AFG2A: variants seen among roughly 807,000 people sequenced by gnomAD.
AFG2A encodes ATPase family gene 2 protein homolog A.
the AFG2A span, among the ~76,000 whole-genome samples, chr4:123,003,319 T>C: frequency 2.0e-5 from 3 of 152,254 alleles, no homozygotes; most frequent in Non-Finnish European, 2.9e-5. Context: ...AAAGTCATTC[T>C]CCGTCCAGCT....
chr4:123,228,483 G>A, the AFG2A span, among the ~76,000 whole-genome samples: 20,675 of 151,794 alleles, frequency 0.14, 4,187 homozygotes, highest in African/African-American at 0.44. Context: ...CCCTATAGAA[G>A]CCATGCAAAG....
chr4:123,033,615 T>G, the AFG2A span, among the ~76,000 whole-genome samples: 236 of 152,288 alleles, frequency 1.5e-3, 2 homozygotes, highest in African/African-American at 5.5e-3. Context: ...TAGAAGTGCC[T>G]GGAAAAAGAC....
the AFG2A span, chr4:122,938,224 T>C: frequency 2.6e-5 from 42 of 1,605,710 alleles, no homozygotes; most frequent in Non-Finnish European, 3.5e-5. Context: ...GCTTCACTCT[T>C]AACACTGATG....
the AFG2A span, among the ~76,000 whole-genome samples, chr4:123,003,980 T>A: frequency 6.6e-6 from 1 of 152,236 alleles, no homozygotes; most frequent in Admixed American, 6.5e-5. Context: ...GCTTCTTGGC[T>A]GTTTTGTTTA....
At chr4:123,165,506 T>C in the AFG2A span, among the ~76,000 whole-genome samples, 24 of 152,254 alleles carry the variant, frequency 1.6e-4, no homozygotes, top group African/African-American at 5.3e-4. Context: ...TTGAAATTAT[T>C]TCATTAGAAA....
At chr4:123,065,923 G>A in the AFG2A span, among the ~76,000 whole-genome samples, 1 of 152,084 alleles carries the variant, frequency 6.6e-6, no homozygotes, top group Non-Finnish European at 1.5e-5. Context: ...TTGGGGTATT[G>A]TTTTATGACT....
At chr4:122,969,618 C>A in the AFG2A span, among the ~76,000 whole-genome samples, 123,279 of 152,072 alleles carry the variant, frequency 0.81, 51,719 homozygotes, top group East Asian at 0.96. Flanking sequence ...TTCTCCCCAC[C>A]CAGTAAACTG....
chr4:122,990,814 C>T, the AFG2A span, among the ~76,000 whole-genome samples: 2 of 152,174 alleles, frequency 1.3e-5, no homozygotes, highest in African/African-American at 4.8e-5. Flanking sequence ...GTCTGGAACT[C>T]GTGGCTTCAA....
chr4:122,950,111 A>G, the AFG2A span, among the ~76,000 whole-genome samples: 1 of 152,186 alleles, frequency 6.6e-6, no homozygotes, highest in African/African-American at 2.4e-5. Flanking sequence ...AGTATACATG[A>G]TGGGGTGATG....
the AFG2A span, among the ~76,000 whole-genome samples, chr4:123,292,760 A>G: frequency 1.3e-5 from 2 of 151,930 alleles, no homozygotes; most frequent in Non-Finnish European, 2.9e-5. Context: ...TGAAGCTTAC[A>G]TCATTCTCCG....
the AFG2A span, among the ~76,000 whole-genome samples, chr4:123,174,835 A>G: frequency 2.0e-5 from 3 of 151,168 alleles, no homozygotes; most frequent in East Asian, 3.9e-4. Flanking sequence ...AAATATATAT[A>G]TATATATTAT....
the AFG2A span, among the ~76,000 whole-genome samples, chr4:122,955,232 T>C: frequency 6.6e-6 from 1 of 152,190 alleles, no homozygotes; most frequent in Non-Finnish European, 1.5e-5. Context: ...AGCACTTTTA[T>C]TTGGCACCCT....
At chr4:123,039,669 C>G in the AFG2A span, among the ~76,000 whole-genome samples, 1 of 151,504 alleles carries the variant, frequency 6.6e-6, no homozygotes, top group Non-Finnish European at 1.5e-5. Flanking sequence ...CAGCCCTATA[C>G]TACAGGCATT....
chr4:123,149,192 A>C, the AFG2A span, among the ~76,000 whole-genome samples: 1 of 152,212 alleles, frequency 6.6e-6, no homozygotes, highest in African/African-American at 2.4e-5. Flanking sequence ...ATCAAGAATC[A>C]GGTGACTAAA....
the AFG2A span, among the ~76,000 whole-genome samples, chr4:122,975,793 T>A: frequency 2.0e-5 from 3 of 152,026 alleles, no homozygotes; most frequent in Non-Finnish European, 2.9e-5. Flanking sequence ...CAGTCAGTGA[T>A]TTTACTCTCA....
At chr4:122,957,583 G>C in the AFG2A span, among the ~76,000 whole-genome samples, 40 of 152,272 alleles carry the variant, frequency 2.6e-4, no homozygotes, top group South Asian at 6.6e-3. Flanking sequence ...TGGTAGATTT[G>C]AACTACTCTC....
At chr4:123,140,299 G>A in the AFG2A span, among the ~76,000 whole-genome samples, 1 of 151,996 alleles carries the variant, frequency 6.6e-6, no homozygotes, top group Non-Finnish European at 1.5e-5. Context: ...CAGTAGTTGG[G>A]AGTGCTAGAT....
At chr4:123,187,002 GAAAGA>G in the AFG2A span, among the ~76,000 whole-genome samples, 4 of 152,054 alleles carry the variant, frequency 2.6e-5, no homozygotes, top group African/African-American at 9.7e-5. Flanking sequence ...GCTTTATGAG[GAAAGA>G]AAAGAGGAAA....
chr4:123,161,127 C>T, the AFG2A span, among the ~76,000 whole-genome samples: 1 of 152,170 alleles, frequency 6.6e-6, no homozygotes, highest in African/African-American at 2.4e-5. Context: ...TCTTCAGAAT[C>T]TTATCCCAAA....
Sources: gnomAD v4.1 joint callset for allele counts (sites outside exome capture counted in the v4.1 genomes callset) on GRCh38, gnomAD v4.1.1 for gene constraint, MANE v1.5 for transcripts, NCBI Gene and HGNC (gene_info 2026-07-23, HGNC 2026-07-21) for gene names.